FAM171B: variants seen among roughly 807,000 people sequenced by gnomAD.
The protein encoded by FAM171B is protein FAM171B.
A neutral mutation model predicts 75.6 loss-of-function variants in FAM171B; 19 were observed. The observed-to-expected ratio is 0.25, with a 90% CI of 0.18 to 0.37. The LOEUF (loss-of-function observed/expected upper bound fraction) is 0.37, where lower values mean the gene tolerates loss of function less well. FAM171B is among the 10% of genes least tolerant of loss of function. The pLI, the probability that FAM171B is intolerant of heterozygous loss-of-function variation, is 1.00. For synonymous variants in FAM171B, 367 were observed against 361.7 expected, an observed-to-expected ratio of 1.01 and a Z score of -0.17; for missense variants, 848 against 982.4, an observed-to-expected ratio of 0.86 and a Z score of 1.83.
intron 1 of FAM171B, among the ~76,000 whole-genome samples, chr2:186,716,889 A>T (rs547644957): frequency 3.2e-4 from 49 of 152,284 alleles, no homozygotes; most frequent in African/African-American, 1.2e-3. Context: ...GTAATACTTC[A>T]GGACCAGTTA....
intron 1 of FAM171B, among the ~76,000 whole-genome samples, chr2:186,714,740 A>C (rs1689852708): frequency 6.6e-6 from 1 of 152,248 alleles, no homozygotes; most frequent in African/African-American, 2.4e-5. Context: ...GCAGGAAGGC[A>C]TCACCCCTGG....
rs187697109 is a variant in FAM171B, at chr2:186,745,388, C to T, written c.566-1704C>T. Among the ~76,000 whole-genome samples the T allele has an allele frequency of 9.2e-3, 1,399 of 152,288 alleles. 22 individuals carry two copies. Among genetic ancestry groups the T allele is most frequent in the African/African-American group, 0.032 (1,318 of 41,558 alleles). On this transcript the variant is annotated intron_variant, in intron 3 of 7. Transcript: ENST00000304698. ...GAAATGGATCTGTGTGACCATGTCC[C>T]GTACCAATCCTTTGCCACTGTACCA...
In FAM171B at chr2:186,761,766, A is replaced by G; in HGVS notation, c.1424A>G (p.Asn475Ser). 1 of 1,613,396 alleles carries G rather than the reference A, an allele frequency of 6.2e-7. No individual in the cohort carries two copies. Among genetic ancestry groups the G allele is most frequent in the Non-Finnish European group, 8.5e-7 (1 of 1,179,714 alleles). The stretch of plus-strand genomic sequence containing the variant: ...GTTTCATTTCTATCAGTCAATCAAA[A>G]TAATTACTCAAGAAACCCAACACAG... ...EDVSFLSVNQ[N>S]NYSRNPTQSL... The change falls in exon 8 of 8, where the codon AAT becomes AGT. Residue 475 changes from asparagine to serine, a missense_variant. By Grantham distance (46) the Asn-to-Ser change is conservative. Around this residue, in one of 3 missense-constraint regions of FAM171B, gnomAD observed 665 missense variants for 729.0 expected, o/e 0.91. Transcript: ENST00000304698.
At chr2:186,755,631 C>T (rs1410108795) in intron 6 of FAM171B, among the ~76,000 whole-genome samples, 1 of 152,098 alleles carries the variant, frequency 6.6e-6, no homozygotes, top group African/African-American at 2.4e-5. Context: ...ATTTTGAAGG[C>T]TATCAGTTTT....
intron 6 of FAM171B, among the ~76,000 whole-genome samples, chr2:186,760,088 T>G (rs1690592796): frequency 6.6e-6 from 1 of 152,180 alleles, no homozygotes; most frequent in African/African-American, 2.4e-5. Flanking sequence ...TGAAAATGAA[T>G]TCACTGTAGA....
At chr2:186,732,594 G>C (rs145893326) in intron 1 of FAM171B, among the ~76,000 whole-genome samples, 1 of 152,312 alleles carries the variant, frequency 6.6e-6, no homozygotes, top group Non-Finnish European at 1.5e-5. Context: ...GGTCAAGCAG[G>C]CAACTTGAGA....
At chr2:186,739,809 T>G (rs1052833423) in intron 1 of FAM171B, among the ~76,000 whole-genome samples, 2 of 152,246 alleles carry the variant, frequency 1.3e-5, no homozygotes, top group Admixed American at 6.5e-5. Flanking sequence ...CGTAATCTAT[T>G]ATCAAGTTTT....
intron 1 of FAM171B, among the ~76,000 whole-genome samples, chr2:186,732,719 G>T (rs1690137282): frequency 6.6e-6 from 1 of 152,192 alleles, no homozygotes; most frequent in Admixed American, 6.5e-5. Flanking sequence ...GCAGTGGCCT[G>T]CTAGCACTTG....
At chr2:186,700,294 C>T (rs982137997) in intron 1 of FAM171B, among the ~76,000 whole-genome samples, 6 of 151,040 alleles carry the variant, frequency 4.0e-5, no homozygotes, top group African/African-American at 1.5e-4. Flanking sequence ...GTGAAATGTA[C>T]ATATTTTAGT....
intron 7 of FAM171B, 88 bp downstream of exon 7, chr2:186,761,324 A>C: frequency 6.7e-7 from 1 of 1,492,712 alleles, no homozygotes; most frequent in Non-Finnish European, 9.0e-7. Flanking sequence ...ATTTGTAGAA[A>C]TAAATTTAAT....
In FAM171B at chr2:186,764,740, G is replaced by T. The variant is rs1235502602; in HGVS notation, c.*1917G>T. The T allele has an allele frequency of 6.6e-6, 1 of 151,650 alleles. No individual in the cohort carries two copies. The highest frequency in any genetic ancestry group is 1.5e-5 in the Non-Finnish European group (1 of 67,816). The allele number at this position is 151,650 out of a possible 1,614,324, so 9.4% of individuals were successfully genotyped here. ...AATATAGACCTAGTGTTTCATGTTGGAACAATAAATATTGCATGTGAGTAG... is the reference window on the plus strand; with the variant it reads ...AATATAGACCTAGTGTTTCATGTTGTAACAATAAATATTGCATGTGAGTAG... On this transcript the variant is annotated 3_prime_UTR_variant, in exon 8 of 8. Coordinates refer to ENST00000304698, the MANE Select transcript of FAM171B (RefSeq NM_177454.4).
At chr2:186,716,358 C>T (rs1478099106) in intron 1 of FAM171B, among the ~76,000 whole-genome samples, 1 of 152,200 alleles carries the variant, frequency 6.6e-6, no homozygotes, top group Non-Finnish European at 1.5e-5. Context: ...AATCAAGCCT[C>T]ATTTTCATCC....
chr2:186,713,331 C>T (rs1689833916), intron 1 of FAM171B, among the ~76,000 whole-genome samples: 1 of 152,230 alleles, frequency 6.6e-6, no homozygotes, highest in Admixed American at 6.5e-5. Context: ...AATTTAAAAT[C>T]TATTCTTCCC....
intron 4 of FAM171B, among the ~76,000 whole-genome samples, chr2:186,748,963 A>G (rs1690412188): frequency 6.6e-6 from 1 of 152,164 alleles, no homozygotes; most frequent in South Asian, 2.1e-4. Flanking sequence ...AAGGGTCAGA[A>G]TGAACTGTTT....
chr2:186,702,505 T>C (rs1306689259), intron 1 of FAM171B, among the ~76,000 whole-genome samples: 1 of 152,358 alleles, frequency 6.6e-6, no homozygotes, highest in East Asian at 1.9e-4. Context: ...ACAATTCACA[T>C]GTCCAAGACA....
chr2:186,705,760 C>T (rs1422695387), intron 1 of FAM171B, among the ~76,000 whole-genome samples: 1 of 152,132 alleles, frequency 6.6e-6, no homozygotes, highest in African/African-American at 2.4e-5. Flanking sequence ...ACCAATCCAA[C>T]CAGAAGGCTC....
At chr2:186,726,404 A>G (rs1690033507) in intron 1 of FAM171B, among the ~76,000 whole-genome samples, 1 of 152,182 alleles carries the variant, frequency 6.6e-6, no homozygotes, top group African/African-American at 2.4e-5. Flanking sequence ...GTTTCTTTAA[A>G]AGAAGGAGGC....
In FAM171B at chr2:186,759,326, G is replaced by T. The variant is rs543627440; in HGVS notation, c.1013-1787G>T. On this transcript the variant is annotated intron_variant, in intron 6 of 7. Transcript: ENST00000304698. The stretch of plus-strand genomic sequence containing the variant: ...GGTTAGGGTCTTCCCGACTGAGCTG[G>T]TCTCAGCAACTGAGTTCCTTTCTTT... 1.5e-4 allele frequency among the ~76,000 whole-genome samples: 23 copies of T among 152,220 alleles called. 1 individual carries two copies. In the South Asian group the frequency reaches 4.3e-3, roughly 29 times the overall value.
chr2:186,728,936 C>A (rs191083611), intron 1 of FAM171B, among the ~76,000 whole-genome samples: 1 of 152,220 alleles, frequency 6.6e-6, no homozygotes, highest in East Asian at 1.9e-4. Context: ...ATATAGTTAG[C>A]AGTATTTTTA....
Sources: gnomAD v4.1 joint callset for allele counts (sites outside exome capture counted in the v4.1 genomes callset) on GRCh38, gnomAD v4.1.1 for gene constraint, gnomAD v4.1.1 regional missense constraint, MANE v1.5 for transcripts, NCBI Gene and HGNC (gene_info 2026-07-23, HGNC 2026-07-21) for gene names.